BACH1: variants seen among roughly 807,000 people sequenced by gnomAD.
BACH1 encodes the protein BTB domain and CNC homolog 1, also known as transcription regulator protein BACH1.
BACH1 carries 35 observed loss-of-function variants against 52.9 expected under a neutral mutation model. The ratio of observed to expected loss-of-function variants is 0.66; its 90% CI spans 0.51 to 0.88. BACH1 has a LOEUF of 0.88. BACH1 is among the 40% of genes least tolerant of loss of function. BACH1 has a pLI of 0.00. For synonymous variants in BACH1, 321 were observed against 319.6 expected, an observed-to-expected ratio of 1.00 and a Z score of -0.05; for missense variants, 808 against 872.6, an observed-to-expected ratio of 0.93 and a Z score of 0.93.
chr21:29,308,355 TTAAA>T (rs760663633), intron 1 of BACH1, among the ~76,000 whole-genome samples: 1 of 152,248 alleles, frequency 6.6e-6, no homozygotes, highest in East Asian at 1.9e-4. Flanking sequence ...TAGGTTGTTT[TTAAA>T]TAAGACATTT....
chr21:29,312,063 C>T (rs2088729949), intron 1 of BACH1, among the ~76,000 whole-genome samples: 1 of 152,222 alleles, frequency 6.6e-6, no homozygotes, highest in African/African-American at 2.4e-5. Context: ...CTGGAGAAGT[C>T]TTTATGTCCT....
downstream of BACH1, among the ~76,000 whole-genome samples, chr21:29,347,060 G>A (rs767124108): frequency 3.3e-5 from 5 of 152,192 alleles, no homozygotes; most frequent in Non-Finnish European, 7.3e-5. Flanking sequence ...AGGGCTTTAA[G>A]AGCAACAGAA....
intron 4 of BACH1, 95 bp from the exon 5 acceptor site, chr21:29,342,304 T>A: frequency 8.1e-7 from 1 of 1,231,792 alleles, no homozygotes; most frequent in Non-Finnish European, 1.1e-6. Flanking sequence ...GTGATCTTAC[T>A]TGATGAGAAG....
At chr21:29,323,647 G>A (rs1250113371) in intron 2 of BACH1, among the ~76,000 whole-genome samples, 2 of 152,072 alleles carry the variant, frequency 1.3e-5, no homozygotes, top group Admixed American at 6.5e-5. Context: ...CTCTAGCAAC[G>A]CCCTCACTGA....
In BACH1 at chr21:29,327,285, C is replaced by G; in HGVS notation, c.1461C>G (p.Pro487=). The G allele has an allele frequency of 6.2e-7, 1 of 1,614,124 alleles. No homozygotes were observed. The highest frequency in any genetic ancestry group is 1.1e-5 in the South Asian group (1 of 91,074). ...EIGNDDYVSE[P]QQEPCPYACV... is the part of the protein sequence containing the mutation. ...GAAACGATGATTATGTTTCAGAACCCCAGCAAGAACCTTGCCCATATGCTT... is the reference window on the plus strand; with the variant it reads ...GAAACGATGATTATGTTTCAGAACCGCAGCAAGAACCTTGCCCATATGCTT... Residue 487 remains proline, a synonymous_variant, in exon 3 of 5, where the codon CCC becomes CCG. Transcript: ENST00000286800.
At chr21:29,324,196 C>T (rs1420244773) in intron 2 of BACH1, among the ~76,000 whole-genome samples, 1 of 147,128 alleles carries the variant, frequency 6.8e-6, no homozygotes, top group African/African-American at 2.6e-5. Flanking sequence ...CGTGCCGCTG[C>T]ACTCTAGCCT....
chr21:29,341,280 T>C (rs1032986303), intron 4 of BACH1, among the ~76,000 whole-genome samples: 1 of 152,210 alleles, frequency 6.6e-6, no homozygotes. Context: ...CAAGGTTAAC[T>C]GGCAGCCTCA....
intron 2 of BACH1, among the ~76,000 whole-genome samples, chr21:29,356,850 ATCTCTCTCTT>A (rs71189349): frequency 0.48 from 72,100 of 151,532 alleles, 17,570 homozygotes; most frequent in Middle Eastern, 0.53. Context: ...TACTACTTCT[ATCTCTCTCTT>A]TCTCTCTCTT....
At chr21:29,322,512 C>A (rs1601351415) in intron 2 of BACH1, among the ~76,000 whole-genome samples, 1 of 152,158 alleles carries the variant, frequency 6.6e-6, no homozygotes, top group African/African-American at 2.4e-5. Context: ...TGGGGATGTG[C>A]TGGCTGTGCT....
chr21:29,329,362 G>A, intron 3 of BACH1, 125 bp from the exon 4 acceptor site: 2 of 724,560 alleles, frequency 2.8e-6, no homozygotes, highest in Non-Finnish European at 4.2e-6. Context: ...TTGGGATAGA[G>A]GCCTATGTTT....
At chr21:29,303,474 C>T (rs938684823) in intron 1 of BACH1, among the ~76,000 whole-genome samples, 10 of 152,178 alleles carry the variant, frequency 6.6e-5, no homozygotes, top group Non-Finnish European at 8.8e-5. Context: ...GATTTTGAAA[C>T]TTGGGAATGT....
chr21:29,329,545 C>T lies in BACH1; in HGVS notation c.1628C>T (p.Ser543Phe). The T allele has an allele frequency of 6.2e-7, 1 of 1,602,294 alleles. No individual in the cohort carries two copies. The highest frequency in any genetic ancestry group is 8.5e-7 in the Non-Finnish European group (1 of 1,176,148). Residue 543 changes from serine to phenylalanine, a missense_variant, in exon 4 of 5, where the codon TCC becomes TTC. By Grantham distance (155) the Ser-to-Phe change is radical. Coordinates refer to ENST00000286800, the MANE Select transcript of BACH1 (RefSeq NM_001186.4). ...TCACTGTCTCGAAATGATTTTCAGT[C>T]CTTGTTGAAAATGCACAAGCTTACT... ...IISLSRNDFQ[S>F]LLKMHKLTPE...
At chr21:29,313,242 C>T (rs2832281) in intron 1 of BACH1, among the ~76,000 whole-genome samples, 18,917 of 152,096 alleles carry the variant, frequency 0.12, 1,528 homozygotes, top group East Asian at 0.36. Flanking sequence ...CTGCCACCGC[C>T]GATGAAACAA....
intron 2 of BACH1, among the ~76,000 whole-genome samples, chr21:29,360,354 T>C (rs955936488): frequency 6.6e-6 from 1 of 152,132 alleles, no homozygotes; most frequent in Admixed American, 6.5e-5. Context: ...CAGGCAGATA[T>C]CTAAAAGCAA....
chr21:29,339,090 G>T (rs1459701690), intron 4 of BACH1, among the ~76,000 whole-genome samples: 1 of 152,172 alleles, frequency 6.6e-6, no homozygotes, highest in Non-Finnish European at 1.5e-5. Flanking sequence ...GTGAATAACT[G>T]TATACTGTTT....
At chr21:29,315,141 C>T (rs1465576096) in intron 1 of BACH1, among the ~76,000 whole-genome samples, 1 of 152,086 alleles carries the variant, frequency 6.6e-6, no homozygotes, top group Non-Finnish European at 1.5e-5. Context: ...AATAAAGGCC[C>T]TTAAAGGAGA....
intron 1 of BACH1, among the ~76,000 whole-genome samples, chr21:29,319,565 G>A (rs186695494): frequency 8.3e-4 from 126 of 151,722 alleles, no homozygotes; most frequent in Non-Finnish European, 1.4e-3. Context: ...AAGAGCCTGC[G>A]ACTGCACATT....
intron 4 of BACH1, among the ~76,000 whole-genome samples, chr21:29,331,515 A>G (rs944196682): frequency 2.0e-5 from 3 of 152,196 alleles, no homozygotes; most frequent in Admixed American, 6.5e-5. Context: ...TTTGATACAA[A>G]TCAGACATTG....
At chr21:29,358,775 AAAGAAAGAAAG>A (rs1307792647) in intron 2 of BACH1, among the ~76,000 whole-genome samples, 1,545 of 83,370 alleles carry the variant, frequency 0.019, 16 homozygotes, top group Non-Finnish European at 0.027. Flanking sequence ...AAAAGAAAAG[AAAGAAAGAAAG>A]AAAGAAAGAA....
Sources: allele counts gnomAD v4.1 joint callset (sites outside exome capture counted in the v4.1 genomes callset), GRCh38; gene constraint gnomAD v4.1.1; transcripts MANE v1.5; gene names NCBI Gene and HGNC (gene_info 2026-07-23, HGNC 2026-07-21).